Variants in CNTN3 observed in about 807,000 individuals in gnomAD.
CNTN3 encodes contactin-3.
A neutral mutation model predicts 119.1 loss-of-function variants in CNTN3; 60 were observed. That is an observed-to-expected ratio of 0.50 (90% CI 0.41 to 0.62). The LOEUF is 0.62. Ranked by LOEUF, CNTN3 falls within the 20% of genes least tolerant of loss-of-function variation. The pLI is 0.00. For synonymous variants in CNTN3, 450 were observed against 438.7 expected (o/e 1.03, Z -0.32); for missense variants, 1,101 against 1,242.4 (o/e 0.89, Z 1.71).
At chr3:74,577,972 T>A (rs1348108659) in intron 1 of CNTN3, among the ~76,000 whole-genome samples, 1 of 152,096 alleles carries the variant, frequency 6.6e-6, no homozygotes, top group Admixed American at 6.5e-5. Context: ...AGGAGATATA[T>A]TTATTTCAAA....
intron 5 of CNTN3, among the ~76,000 whole-genome samples, chr3:74,406,287 T>C (rs548906486): frequency 3.9e-5 from 6 of 152,236 alleles, no homozygotes; most frequent in Non-Finnish European, 7.4e-5. Context: ...AAGGTGTTTA[T>C]ACTAACATTG....
chr3:74,609,055 G>A (rs1477604947), intron 1 of CNTN3, among the ~76,000 whole-genome samples: 1 of 152,122 alleles, frequency 6.6e-6, no homozygotes, highest in Non-Finnish European at 1.5e-5. Flanking sequence ...GAGTCAACAC[G>A]GGAATAAGGA....
At chr3:74,371,098 A>G (rs1241315859) in intron 6 of CNTN3, 98 bp downstream of exon 6, 7 of 814,896 alleles carry the variant, frequency 8.6e-6, no homozygotes, top group Non-Finnish European at 1.4e-5. Flanking sequence ...ATGAAGTGAC[A>G]ATTCTTCTAG....
chr3:74,284,865 A>G (rs1027300253), intron 20 of CNTN3, among the ~76,000 whole-genome samples: 1 of 152,196 alleles, frequency 6.6e-6, no homozygotes, highest in Non-Finnish European at 1.5e-5. Context: ...GCTGATAACC[A>G]TTTAATGCAC....
chr3:74,308,424 T>A (rs6800794), intron 13 of CNTN3, among the ~76,000 whole-genome samples: 3,902 of 152,302 alleles, frequency 0.026, 168 homozygotes, highest in African/African-American at 0.088. Flanking sequence ...TAAACTGGAA[T>A]AATTGCTCCA....
At chr3:74,312,823 A>G (rs76636598) in intron 13 of CNTN3, among the ~76,000 whole-genome samples, 25,211 of 152,158 alleles carry the variant, frequency 0.17, 3,018 homozygotes, top group East Asian at 0.49. Context: ...GTTTGAAGAG[A>G]CTGAACAAGC....
chr3:74,285,215 T>G (rs1702086589), intron 20 of CNTN3, 90 bp downstream of exon 20: 1 of 1,341,810 alleles, frequency 7.5e-7, no homozygotes, highest in Admixed American at 2.3e-5. Flanking sequence ...GATTAATGAC[T>G]TGGGTTGTCC....
chr3:74,388,020 AG>A (rs1168686405), intron 5 of CNTN3, among the ~76,000 whole-genome samples: 1 of 152,302 alleles, frequency 6.6e-6, no homozygotes, highest in Non-Finnish European at 1.5e-5. Flanking sequence ...AAATGTTTAA[AG>A]GTGGATGGTG....
At chr3:74,566,509 A>G (rs1158814474) in intron 1 of CNTN3, among the ~76,000 whole-genome samples, 1 of 152,152 alleles carries the variant, frequency 6.6e-6, no homozygotes, top group East Asian at 1.9e-4. Context: ...TCTAGCTTCT[A>G]GTGCTTGCTC....
chr3:74,509,751 A>G (rs903447813), intron 2 of CNTN3, among the ~76,000 whole-genome samples: 1 of 152,084 alleles, frequency 6.6e-6, no homozygotes, highest in Non-Finnish European at 1.5e-5. Flanking sequence ...GAAGCCACCA[A>G]ATTGTGTAAG....
chr3:74,375,666 C>T (rs1051353178), intron 5 of CNTN3, among the ~76,000 whole-genome samples: 1 of 152,038 alleles, frequency 6.6e-6, no homozygotes, highest in Non-Finnish European at 1.5e-5. Flanking sequence ...AGATGCTGTG[C>T]TCTTGGTTTG....
intron 4 of CNTN3, among the ~76,000 whole-genome samples, chr3:74,477,074 G>T (rs972488542): frequency 6.6e-6 from 1 of 152,092 alleles, no homozygotes; most frequent in Admixed American, 6.6e-5. Flanking sequence ...TGCATCCCAA[G>T]AATTACTCTC....
Position 74,526,381 on chromosome 3 carries a change from T to A in CNTN3, c.-80-5189A>T, listed in dbSNP as rs142011029. Among the ~76,000 whole-genome samples the A allele has an allele frequency of 2.2e-3, 329 of 151,778 alleles. 3 individuals carry two copies. The highest frequency in any genetic ancestry group is 7.4e-3 in the African/African-American group (309 of 41,518). On this transcript the variant is annotated intron_variant, in intron 1 of 22. Coordinates refer to ENST00000263665, the MANE Select transcript of CNTN3 (RefSeq NM_020872.3). ...CACACTAGCATGGTAGTCAACTAGT[T>A]AATGAGTATACTGGCTTGTTGAGAC...
At chr3:74,336,943 A>G (rs1575735210) in intron 11 of CNTN3, among the ~76,000 whole-genome samples, 1 of 152,280 alleles carries the variant, frequency 6.6e-6, no homozygotes, top group East Asian at 1.9e-4. Context: ...GAGAGGATGC[A>G]CTTATCAAAT....
At chr3:74,609,192 A>G (rs1296480899) in intron 1 of CNTN3, among the ~76,000 whole-genome samples, 1 of 152,212 alleles carries the variant, frequency 6.6e-6, no homozygotes, top group Non-Finnish European at 1.5e-5. Context: ...TCAGGGGAGA[A>G]TTAGGGAGAA....
intron 1 of CNTN3, among the ~76,000 whole-genome samples, chr3:74,559,792 TTAATA>T (rs145819673): frequency 0.037 from 5,629 of 152,254 alleles, 135 homozygotes; most frequent in South Asian, 0.069. Flanking sequence ...ATGCAATTGC[TTAATA>T]TAATAACATA....
intron 19 of CNTN3, among the ~76,000 whole-genome samples, chr3:74,285,793 A>ATG (rs1413830234): frequency 4.8e-4 from 13 of 27,004 alleles, no homozygotes; most frequent in South Asian, 1.2e-3. Flanking sequence ...AAGGGGAGAT[A>ATG]TATATATATA....
chr3:74,602,643 G>A (rs1704930364), intron 1 of CNTN3, among the ~76,000 whole-genome samples: 1 of 152,050 alleles, frequency 6.6e-6, no homozygotes, highest in South Asian at 2.1e-4. Context: ...TGTTAAGGGT[G>A]TGGATGTAAT....
At chr3:74,402,024 AC>A (rs1293995169) in intron 5 of CNTN3, among the ~76,000 whole-genome samples, 1 of 152,216 alleles carries the variant, frequency 6.6e-6, no homozygotes, top group South Asian at 2.1e-4. Flanking sequence ...CTCCCCAGGA[AC>A]AGAGGCCTGT....
Sources: allele counts gnomAD v4.1 joint callset (sites outside exome capture counted in the v4.1 genomes callset), GRCh38; gene constraint gnomAD v4.1.1; transcripts MANE v1.5; gene names NCBI Gene and HGNC (gene_info 2026-07-23, HGNC 2026-07-21).